Variants in TDRD7 observed in about 807,000 individuals in gnomAD.
TDRD7 encodes the protein tudor domain containing 7.
A neutral mutation model predicts 109.8 loss-of-function variants in TDRD7; 47 were observed. The observed-to-expected ratio is 0.43, with a 90% CI of 0.34 to 0.55. TDRD7 has a LOEUF of 0.55. Among genes scored for constraint, TDRD7 ranks in the 20% least tolerant of loss-of-function variants. TDRD7 has a pLI of 0.03. For synonymous variants in TDRD7, 424 were observed against 457.3 expected (o/e 0.93, Z 0.93); for missense variants, 1,164 against 1,319.2 (o/e 0.88, Z 1.82).
At chr9:97,471,921 G>A (rs1011707891) in intron 9 of TDRD7, among the ~76,000 whole-genome samples, 1 of 152,142 alleles carries the variant, frequency 6.6e-6, no homozygotes, top group African/African-American at 2.4e-5. Context: ...TGTAGGAAGT[G>A]CATTACAAAC....
chr9:97,475,822 A>C (rs1829008822), intron 12 of TDRD7, among the ~76,000 whole-genome samples: 1 of 152,228 alleles, frequency 6.6e-6, no homozygotes, highest in African/African-American at 2.4e-5. Context: ...CAAATGAATA[A>C]GTGTAACTAA....
chr9:97,458,770 G>A (rs535918596), intron 6 of TDRD7, among the ~76,000 whole-genome samples: 11 of 152,302 alleles, frequency 7.2e-5, no homozygotes, highest in Non-Finnish European at 1.3e-4. Context: ...AGAATATGTA[G>A]TCAGACTAAA....
intron 4 of TDRD7, among the ~76,000 whole-genome samples, chr9:97,434,362 A>G (rs1275131331): frequency 6.6e-6 from 1 of 152,202 alleles, no homozygotes. Flanking sequence ...ACGTGGGGTT[A>G]GGATGGGGGT....
chr9:97,464,827 T>C lies in TDRD7; in HGVS notation c.1443-15T>C, dbSNP rs1347574961. 10 of 1,613,962 alleles carry C rather than the reference T, an allele frequency of 6.2e-6. No individual in the cohort carries two copies. Among genetic ancestry groups the C allele is most frequent in the Non-Finnish European group, 8.5e-6 (10 of 1,179,944 alleles). ...AGGTTACTTCATTTGCATTCTCTTC[T>C]TTTAACTGATTCAGGTATGTGGGCA... On this transcript the variant is annotated splice_polypyrimidine_tract_variant and intron_variant, in intron 7 of 16. Transcript: ENST00000355295.
Position 97,468,961 on chromosome 9 carries a change from C to A in TDRD7, c.1630-1597C>A, listed in dbSNP as rs541631349. Reference sequence around the variant, plus strand: ...GCATGGACAAGTGTTTTATAAACTGCAGTTGCCATACAAACATGTATGATT... The same window carrying A: ...GCATGGACAAGTGTTTTATAAACTGAAGTTGCCATACAAACATGTATGATT... On this transcript the variant is annotated intron_variant, in intron 8 of 16. Coordinates refer to ENST00000355295, the MANE Select transcript of TDRD7 (RefSeq NM_014290.3). Among the ~76,000 whole-genome samples, 38 of 152,278 alleles carry A rather than the reference C, an allele frequency of 2.5e-4. 1 individual carries two copies. The East Asian group carries it at 7.3e-3, about 29-fold the overall frequency.
rs551654781 is a variant in TDRD7, at chr9:97,426,533, G to A, written c.-6-1927G>A. ...CTCCCAAAGCATTAGGACTGCAGGTGCGAGCCACTGCATCTGGCCTCTTTT... is the reference window on the plus strand; with the variant it reads ...CTCCCAAAGCATTAGGACTGCAGGTACGAGCCACTGCATCTGGCCTCTTTT... On this transcript the variant is annotated intron_variant, in intron 1 of 16. Transcript: ENST00000355295. 4.6e-5 allele frequency among the ~76,000 whole-genome samples: 7 copies of A among 152,344 alleles called. No homozygotes were observed. The East Asian group carries it at 1.3e-3, about 29-fold the overall frequency.
intron 11 of TDRD7, among the ~76,000 whole-genome samples, chr9:97,474,167 C>T (rs927952130): frequency 6.6e-6 from 1 of 152,138 alleles, no homozygotes; most frequent in Non-Finnish European, 1.5e-5. Flanking sequence ...GCTCCTTATC[C>T]TTTAATTCTA....
intron 8 of TDRD7, among the ~76,000 whole-genome samples, chr9:97,467,410 T>A (rs1035973773): frequency 4.6e-5 from 7 of 152,242 alleles, no homozygotes; most frequent in Non-Finnish European, 1.0e-4. Flanking sequence ...GAGTCTCAGC[T>A]TTGCCATTTC....
At chr9:97,489,772 T>G (rs868251469) in intron 16 of TDRD7, among the ~76,000 whole-genome samples, 20 of 152,332 alleles carry the variant, frequency 1.3e-4, no homozygotes, top group African/African-American at 4.6e-4. Context: ...AATTGAGCAT[T>G]TTAAGTAATG....
At chr9:97,474,577 TAC>T (rs1491266714) in intron 11 of TDRD7, among the ~76,000 whole-genome samples, 1 of 152,226 alleles carries the variant, frequency 6.6e-6, no homozygotes, top group Non-Finnish European at 1.5e-5. Context: ...GCATTCAAAG[TAC>T]AGTCTGGAAT....
intron 6 of TDRD7, among the ~76,000 whole-genome samples, chr9:97,444,926 C>T (rs560666501): frequency 2.0e-5 from 3 of 152,224 alleles, no homozygotes; most frequent in South Asian, 2.1e-4. Flanking sequence ...TGCTGTAAGC[C>T]GCTTCACATG....
At chr9:97,470,810 G>A (rs1009211293) in intron 9 of TDRD7, 141 bp downstream of exon 9, 1 of 661,208 alleles carries the variant, frequency 1.5e-6, no homozygotes, top group Non-Finnish European at 2.7e-6. Context: ...CATGTCGAAT[G>A]TATTCTTTAT....
At chr9:97,481,275 T>C (rs1829110743) in intron 14 of TDRD7, among the ~76,000 whole-genome samples, 1 of 152,238 alleles carries the variant, frequency 6.6e-6, no homozygotes, top group Non-Finnish European at 1.5e-5. Context: ...TCTTGATAAA[T>C]GTTTCTAAAG....
chr9:97,493,272 C>T (rs138264195), intron 16 of TDRD7, among the ~76,000 whole-genome samples: 2,239 of 152,012 alleles, frequency 0.015, 67 homozygotes, highest in African/African-American at 0.052. Flanking sequence ...CCCTAAGTGT[C>T]GGCCGGTCTG....
chr9:97,428,743 C>T (rs1587860907), intron 2 of TDRD7, 71 bp downstream of exon 2: 1 of 1,420,230 alleles, frequency 7.0e-7, no homozygotes, highest in Non-Finnish European at 9.8e-7. Context: ...CTTCCAATCT[C>T]CTACCTGTGA....
chr9:97,495,824 G>A lies in TDRD7; in HGVS notation c.3238G>A (p.Asp1080Asn), dbSNP rs879227282. 11 of 1,614,146 alleles carry A rather than the reference G, an allele frequency of 6.8e-6. No homozygotes were observed. The highest frequency in any genetic ancestry group is 1.7e-4 in the Middle Eastern group (1 of 6,060). The stretch of plus-strand genomic sequence containing the variant: ...AGTGGACACATCGTTGCCAGACACC[G>A]ATACCTGGATTCATGATTTTATGTC... Reference protein sequence around the residue: ...YLVDTSLPDTDTWIHDFMSEY... With the variant: ...YLVDTSLPDTNTWIHDFMSEY... Residue 1080 changes from aspartate (D) to asparagine (N), a missense_variant, in exon 17 of 17, where the codon GAT (aspartate) becomes AAT (asparagine). Asp to Asn is a conservative substitution (Grantham distance 23). This residue lies in a region of TDRD7 where 162 missense variants were observed against 222.5 expected (regional missense o/e 0.73). Coordinates refer to ENST00000355295, the MANE Select transcript of TDRD7 (RefSeq NM_014290.3).
chr9:97,439,199 T>C, intron 4 of TDRD7, 46 bp from the exon 5 acceptor site: 1 of 1,482,274 alleles, frequency 6.7e-7, no homozygotes, highest in Non-Finnish European at 9.0e-7. Flanking sequence ...TGGTATAGAC[T>C]TTGTTATTTA....
intron 12 of TDRD7, 83 bp from the exon 13 acceptor site, chr9:97,478,356 G>A: frequency 6.5e-7 from 1 of 1,531,050 alleles, no homozygotes. Flanking sequence ...TATGCATTCA[G>A]GATTGTACAA....
chr9:97,447,650 C>G (rs1232715817), intron 6 of TDRD7, among the ~76,000 whole-genome samples: 1 of 152,156 alleles, frequency 6.6e-6, no homozygotes, highest in African/African-American at 2.4e-5. Flanking sequence ...GAGTTCCTGA[C>G]GTTTTAACAA....
Sources: allele counts gnomAD v4.1 joint callset (sites outside exome capture counted in the v4.1 genomes callset), GRCh38; gene constraint gnomAD v4.1.1; regional missense constraint gnomAD v4.1.1; transcripts MANE v1.5; gene names NCBI Gene and HGNC (gene_info 2026-07-23, HGNC 2026-07-21).